PDE4D: variants seen among roughly 807,000 people sequenced by gnomAD.
The protein encoded by PDE4D is phosphodiesterase 4D.
PDE4D carries 24 observed loss-of-function variants against 87.4 expected under a neutral mutation model. That is an observed-to-expected ratio of 0.27 (90% CI 0.20 to 0.39). PDE4D has a LOEUF of 0.39. Ranked by LOEUF, PDE4D falls within the 10% of genes least tolerant of loss-of-function variation. The pLI is 1.00. For synonymous variants in PDE4D, 384 were observed against 383.2 expected, an observed-to-expected ratio of 1.00 and a Z score of -0.02; for missense variants, 714 against 1,041.0, an observed-to-expected ratio of 0.69 and a Z score of 4.32.
At chr5:60,148,834 G>A (rs1429667709) in intron 2 of PDE4D, among the ~76,000 whole-genome samples, 2 of 152,024 alleles carry the variant, frequency 1.3e-5, no homozygotes, top group Non-Finnish European at 2.9e-5. Context: ...ATAGAACATG[G>A]CCATTTTCTA....
chr5:59,152,192 A>G (rs952443349), intron 5 of PDE4D, among the ~76,000 whole-genome samples: 1 of 152,186 alleles, frequency 6.6e-6, no homozygotes, highest in African/African-American at 2.4e-5. Flanking sequence ...AATTTTACCT[A>G]CCTTATGTGA....
chr5:60,155,945 C>G (rs1373743986), intron 2 of PDE4D, among the ~76,000 whole-genome samples: 1 of 152,218 alleles, frequency 6.6e-6, no homozygotes, highest in Admixed American at 6.5e-5. Flanking sequence ...GTTTCACAGT[C>G]TCTTAACAAG....
chr5:59,065,063 TATATAC>T lies in PDE4D; in HGVS notation c.809-26098_809-26093del, dbSNP rs1186998101. On this transcript the variant is annotated intron_variant, in intron 5 of 14. Coordinates refer to ENST00000340635, the MANE Select transcript of PDE4D (RefSeq NM_001104631.2). ...GAATGGACAAAGGAAATGTGATATA[TATATAC>T]ACACACACACACACACACACACACA... Among the ~76,000 whole-genome samples, 104 of 109,330 alleles carry T rather than the reference TATATAC, an allele frequency of 9.5e-4. 3 individuals carry two copies. Among genetic ancestry groups the T allele is most frequent in the East Asian group, 4.0e-3 (17 of 4,226 alleles). 71.7% of individuals were successfully genotyped at this position (109,330 alleles called of 152,430 possible).
chr5:59,822,089 G>T (rs1435799405), intron 1 of PDE4D, among the ~76,000 whole-genome samples: 1 of 152,152 alleles, frequency 6.6e-6, no homozygotes, highest in Non-Finnish European at 1.5e-5. Context: ...GTTTTGGAAT[G>T]ACAGGCTACT....
At chr5:59,250,845 G>A (rs1326362806) in intron 1 of PDE4D, among the ~76,000 whole-genome samples, 3 of 152,076 alleles carry the variant, frequency 2.0e-5, no homozygotes, top group Non-Finnish European at 4.4e-5. Flanking sequence ...ATAGACCAAT[G>A]GATCAGAATA....
chr5:60,511,766 C>A (rs947061863), intron 1 of PDE4D, among the ~76,000 whole-genome samples: 1 of 151,698 alleles, frequency 6.6e-6, no homozygotes, highest in Non-Finnish European at 1.5e-5. Flanking sequence ...ATAATTGTCA[C>A]ATTATATTGT....
chr5:59,846,960 C>A (rs7730821), intron 1 of PDE4D, among the ~76,000 whole-genome samples: 2 of 151,802 alleles, frequency 1.3e-5, no homozygotes, highest in Admixed American at 1.3e-4. Flanking sequence ...GCAAGGGCTG[C>A]GAGTTTTCAA....
chr5:59,147,678 T>C (rs1778873075), intron 5 of PDE4D, among the ~76,000 whole-genome samples: 2 of 152,228 alleles, frequency 1.3e-5, no homozygotes, highest in African/African-American at 2.4e-5. Context: ...TATACTTCTG[T>C]TGTTGTTTCC....
intron 1 of PDE4D, among the ~76,000 whole-genome samples, chr5:59,486,833 T>G (rs1455340188): frequency 1.3e-5 from 2 of 152,206 alleles, no homozygotes; most frequent in Non-Finnish European, 2.9e-5. Flanking sequence ...TGAAAAATAC[T>G]AGGTTTTTAT....
At chr5:60,404,686 A>G (rs1561214572) in intron 1 of PDE4D, among the ~76,000 whole-genome samples, 1 of 152,244 alleles carries the variant, frequency 6.6e-6, no homozygotes, top group Non-Finnish European at 1.5e-5. Flanking sequence ...ACATAGTTAC[A>G]GAAGAATTGA....
intron 1 of PDE4D, among the ~76,000 whole-genome samples, chr5:60,468,443 T>C (rs1415597176): frequency 1.3e-5 from 2 of 151,948 alleles, no homozygotes; most frequent in African/African-American, 4.8e-5. Flanking sequence ...CCAGTCTACA[T>C]CCTAACTTTT....
intron 1 of PDE4D, among the ~76,000 whole-genome samples, chr5:59,667,350 C>A (rs966742857): frequency 6.6e-6 from 1 of 151,972 alleles, no homozygotes; most frequent in African/African-American, 2.4e-5. Flanking sequence ...CTCACTCTGT[C>A]GCTCAGGCTA....
intron 1 of PDE4D, among the ~76,000 whole-genome samples, chr5:59,271,123 T>A (rs1763752484): frequency 6.6e-6 from 1 of 151,692 alleles, no homozygotes; most frequent in African/African-American, 2.4e-5. Context: ...CACTGTAACC[T>A]CCACCTCCTG....
At chr5:59,070,572 T>C (rs758376781) in intron 5 of PDE4D, among the ~76,000 whole-genome samples, 4 of 152,194 alleles carry the variant, frequency 2.6e-5, no homozygotes, top group Non-Finnish European at 5.9e-5. Context: ...TTCTAATATA[T>C]TATAGTCTTA....
At chr5:59,446,598 T>C (rs1386238559) in intron 1 of PDE4D, among the ~76,000 whole-genome samples, 1 of 152,226 alleles carries the variant, frequency 6.6e-6, no homozygotes, top group East Asian at 1.9e-4. Flanking sequence ...AGATTTGTCA[T>C]CAATGAATTT....
intron 5 of PDE4D, among the ~76,000 whole-genome samples, chr5:59,102,959 G>A (rs1771015050): frequency 6.6e-6 from 1 of 152,144 alleles, no homozygotes; most frequent in African/African-American, 2.4e-5. Flanking sequence ...ACCCAATGCA[G>A]GAAAGCCCTT....
intron 1 of PDE4D, among the ~76,000 whole-genome samples, chr5:60,445,622 A>G (rs1745585119): frequency 6.6e-6 from 1 of 152,130 alleles, no homozygotes; most frequent in Non-Finnish European, 1.5e-5. Context: ...CAAAGACTCA[A>G]CCACTGCCCA....
chr5:59,378,389 C>T (rs1192198326), intron 1 of PDE4D, among the ~76,000 whole-genome samples: 1 of 151,738 alleles, frequency 6.6e-6, no homozygotes, highest in Non-Finnish European at 1.5e-5. Context: ...CCCAAGTTTA[C>T]CTATATAACA....
At chr5:59,153,247 A>AACCTT (rs143922577) in intron 5 of PDE4D, among the ~76,000 whole-genome samples, 2,611 of 152,274 alleles carry the variant, frequency 0.017, 62 homozygotes, top group African/African-American at 0.059. Context: ...GTGAAAGGCC[A>AACCTT]ACCTTCATTG....
Sources: allele counts gnomAD v4.1 joint callset (sites outside exome capture counted in the v4.1 genomes callset), GRCh38; gene constraint gnomAD v4.1.1; transcripts MANE v1.5; gene names NCBI Gene and HGNC (gene_info 2026-07-23, HGNC 2026-07-21).